Variants in DEPDC1B observed in about 807,000 individuals in gnomAD.
The protein encoded by DEPDC1B is DEP domain containing 1B, also known as DEP domain-containing protein 1B.
In DEPDC1B, 51 loss-of-function variants were observed where a neutral mutation model predicts 66.5. That is an observed-to-expected ratio of 0.77 (90% CI 0.61 to 0.97). DEPDC1B has a LOEUF of 0.97. Ranked by LOEUF, DEPDC1B falls within the 50% of genes least tolerant of loss-of-function variation. The probability of loss-of-function intolerance (pLI) is 0.00; values close to 1 mark genes in which losing one functional copy is unlikely to be tolerated. For synonymous variants in DEPDC1B, 226 were observed against 223.6 expected (o/e 1.01, Z -0.10); for missense variants, 552 against 637.1 (o/e 0.87, Z 1.44).
At chr5:60,689,466 A>C (rs1445127000) in intron 1 of DEPDC1B, among the ~76,000 whole-genome samples, 1 of 152,182 alleles carries the variant, frequency 6.6e-6, no homozygotes, top group Non-Finnish European at 1.5e-5. Flanking sequence ...TAAGAAATTT[A>C]CTCAAATCTA....
At chr5:60,618,393 A>G (rs560997924) in intron 7 of DEPDC1B, among the ~76,000 whole-genome samples, 2 of 152,334 alleles carry the variant, frequency 1.3e-5, no homozygotes, top group South Asian at 4.1e-4. Context: ...ACTGCTAGCA[A>G]GACTAATAAA....
chr5:60,698,725 G>A (rs1754710167), intron 1 of DEPDC1B, among the ~76,000 whole-genome samples: 3 of 151,230 alleles, frequency 2.0e-5, no homozygotes. Flanking sequence ...GAGTGCAATG[G>A]CGCGATCTCA....
At chr5:60,696,946 C>T (rs1754669789) in intron 1 of DEPDC1B, among the ~76,000 whole-genome samples, 1 of 152,168 alleles carries the variant, frequency 6.6e-6, no homozygotes. Context: ...GATCTACTTG[C>T]ACTTGCCACA....
chr5:60,632,725 T>G (rs1752953401), intron 7 of DEPDC1B, among the ~76,000 whole-genome samples: 1 of 152,194 alleles, frequency 6.6e-6, no homozygotes, highest in Admixed American at 6.5e-5. Context: ...CAGGGGTCCC[T>G]CTAGGCTGGG....
intron 1 of DEPDC1B, among the ~76,000 whole-genome samples, chr5:60,699,186 A>G (rs1201226777): frequency 1.3e-5 from 2 of 152,146 alleles, no homozygotes; most frequent in African/African-American, 4.8e-5. Context: ...AGTCTAGCTG[A>G]GTAAGAGTTT....
chr5:60,696,607 G>A (rs1754659097), intron 1 of DEPDC1B, among the ~76,000 whole-genome samples: 1 of 151,966 alleles, frequency 6.6e-6, no homozygotes, highest in Non-Finnish European at 1.5e-5. Flanking sequence ...TAACAAGAAA[G>A]AGCTTGAGTT....
intron 7 of DEPDC1B, chr5:60,628,194 G>C (rs1024390624): frequency 6.6e-6 from 1 of 152,182 alleles, no homozygotes; most frequent in African/African-American, 2.4e-5. Flanking sequence ...GAATTGTTAA[G>C]TGCTTTCGGT....
intron 1 of DEPDC1B, among the ~76,000 whole-genome samples, chr5:60,689,352 CTTT>C (rs1409409619): frequency 6.6e-6 from 1 of 152,152 alleles, no homozygotes; most frequent in Non-Finnish European, 1.5e-5. Context: ...AAATAAATGA[CTTT>C]TTTGTTCTCA....
At chr5:60,673,044 T>C (rs1186638038) in intron 2 of DEPDC1B, among the ~76,000 whole-genome samples, 1 of 152,170 alleles carries the variant, frequency 6.6e-6, no homozygotes, top group African/African-American at 2.4e-5. Flanking sequence ...GGCAAATTCT[T>C]TCACAGCCTT....
In DEPDC1B at chr5:60,634,555, C is replaced by G. The variant is rs1752997743; in HGVS notation, c.898+4195G>C. 3.3e-5 allele frequency among the ~76,000 whole-genome samples: 5 copies of G among 151,706 alleles called. No homozygotes were observed. In the South Asian group the frequency reaches 1.0e-3, roughly 32 times the overall value. On this transcript the variant is annotated intron_variant, in intron 7 of 10. Transcript: ENST00000265036. ...GGCATGGTGGTGGGTGCCTGTAGTC[C>G]CAGCTACTCGAGAGGCTGAGGCAGG...
intron 2 of DEPDC1B, among the ~76,000 whole-genome samples, chr5:60,650,402 T>C (rs1287678942): frequency 2.6e-5 from 4 of 152,174 alleles, no homozygotes; most frequent in African/African-American, 9.7e-5. Context: ...TTCTTTGTTG[T>C]GGGGAGCTGT....
rs549128092 is a variant in DEPDC1B, at chr5:60,598,840, A to G, written c.1428+235T>C. Among the ~76,000 whole-genome samples, 56 of 152,330 alleles carry G rather than the reference A, an allele frequency of 3.7e-4. 1 individual carries two copies. The South Asian group carries it at 0.012, about 32-fold the overall frequency. The stretch of plus-strand genomic sequence containing the variant: ...AAACAAAGGACAAATATTAGAGAAT[A>G]GCTCCAAAAATGAAGAGTTTGGCAA... On this transcript the variant is annotated intron_variant, in intron 10 of 10. Transcript: ENST00000265036.
chr5:60,629,785 T>C (rs1037228699), intron 7 of DEPDC1B, among the ~76,000 whole-genome samples: 2 of 152,202 alleles, frequency 1.3e-5, no homozygotes, highest in Admixed American at 1.3e-4. Context: ...CTTTCAGATA[T>C]ATAATCCCCC....
chr5:60,620,004 A>T (rs1752664707), intron 7 of DEPDC1B, among the ~76,000 whole-genome samples: 1 of 152,224 alleles, frequency 6.6e-6, no homozygotes, highest in Admixed American at 6.5e-5. Flanking sequence ...CAACTACCTG[A>T]TCTTTGACAA....
At position 60,597,458 on chromosome 5, in the gene DEPDC1B, G is replaced by T. The variant is rs748739511; in HGVS notation, c.*295C>A. 2 of 256,362 alleles carry T rather than the reference G, an allele frequency of 7.8e-6. No individual in the cohort carries two copies. The highest frequency in any genetic ancestry group is 1.5e-5 in the Non-Finnish European group (2 of 136,428). 15.9% of individuals were successfully genotyped at this position (256,362 alleles called of 1,614,324 possible). On this transcript the variant is annotated 3_prime_UTR_variant, in exon 11 of 11. Transcript: ENST00000265036. Reference sequence around the variant, plus strand: ...ATTATTTAATAAACACCATGAAAAAGAAAGCACAGAGATAAAAATACCCTT... The same window carrying T: ...ATTATTTAATAAACACCATGAAAAATAAAGCACAGAGATAAAAATACCCTT...
chr5:60,698,923 T>G (rs1176668615), intron 1 of DEPDC1B, among the ~76,000 whole-genome samples: 2 of 152,128 alleles, frequency 1.3e-5, no homozygotes, highest in African/African-American at 4.8e-5. Context: ...CCTTAAATCA[T>G]GTAAAATTTC....
In DEPDC1B at chr5:60,696,674, A is replaced by T. The variant is rs534876694; in HGVS notation, c.48+3372T>A. Among the ~76,000 whole-genome samples, 5 of 152,302 alleles carry T rather than the reference A, an allele frequency of 3.3e-5. No homozygotes were observed. In the South Asian group the frequency reaches 8.3e-4, roughly 25 times the overall value. On this transcript the variant is annotated intron_variant, in intron 1 of 10. Coordinates refer to ENST00000265036, the MANE Select transcript of DEPDC1B (RefSeq NM_018369.3). ...CTTTACAACAAATGGAACAAAACAG[A>T]TTTGTTTTATGATTTTAAAACACTT...
chr5:60,674,598 A>G (rs1350028339), intron 2 of DEPDC1B, among the ~76,000 whole-genome samples: 1 of 152,214 alleles, frequency 6.6e-6, no homozygotes, highest in Non-Finnish European at 1.5e-5. Context: ...ACAGATCAAT[A>G]TGATCTGTTG....
intron 8 of DEPDC1B, among the ~76,000 whole-genome samples, chr5:60,604,572 G>T (rs1752273040): frequency 6.6e-6 from 1 of 151,746 alleles, no homozygotes; most frequent in Non-Finnish European, 1.5e-5. Context: ...GTTTTGTTTT[G>T]TTTTTTCCTA....
Sources: allele counts gnomAD v4.1 joint callset (sites outside exome capture counted in the v4.1 genomes callset), GRCh38; gene constraint gnomAD v4.1.1; transcripts MANE v1.5; gene names NCBI Gene and HGNC (gene_info 2026-07-23, HGNC 2026-07-21).